The following FER variants were observed in gnomAD, a reference collection of about 807,000 sequenced individuals.
The protein encoded by FER is FER tyrosine kinase.
FER carries 63 observed loss-of-function variants against 111.0 expected under a neutral mutation model. That is an observed-to-expected ratio of 0.57 (90% CI 0.46 to 0.70). FER has a LOEUF of 0.70. Ranked by LOEUF, FER falls within the 30% of genes least tolerant of loss-of-function variation. The pLI, the probability that FER is intolerant of heterozygous loss-of-function variation, is 0.00. For synonymous variants in FER, 327 were observed against 313.9 expected (o/e 1.04, Z -0.44); for missense variants, 914 against 954.0 (o/e 0.96, Z 0.55).
chr5:109,174,432 G>GT (rs1251364534), intron 17 of FER, among the ~76,000 whole-genome samples: 2 of 151,904 alleles, frequency 1.3e-5, no homozygotes. Flanking sequence ...TTTTGTTTTT[G>GT]TTTTTTAAAA....
intron 13 of FER, among the ~76,000 whole-genome samples, chr5:109,036,720 C>T (rs72790568): frequency 0.11 from 16,808 of 151,264 alleles, 1,037 homozygotes; most frequent in Non-Finnish European, 0.14. Flanking sequence ...CATTAAAAAC[C>T]ATATTTTTTC....
intron 17 of FER, among the ~76,000 whole-genome samples, chr5:109,171,310 T>C (rs1757071567): frequency 6.6e-6 from 1 of 152,160 alleles, no homozygotes; most frequent in Admixed American, 6.5e-5. Flanking sequence ...ACACATAAGC[T>C]TATACAGCTT....
At chr5:109,065,774 T>G (rs1314993044) in intron 16 of FER, among the ~76,000 whole-genome samples, 1 of 152,216 alleles carries the variant, frequency 6.6e-6, no homozygotes, top group Non-Finnish European at 1.5e-5. Context: ...AACTTTTTAA[T>G]TCTTTATTTG....
chr5:109,105,910 T>C (rs1748858832), intron 17 of FER, among the ~76,000 whole-genome samples: 3 of 152,344 alleles, frequency 2.0e-5, no homozygotes, highest in South Asian at 4.1e-4. Flanking sequence ...GCCTAGCAAT[T>C]GAAGCTAAAT....
intron 2 of FER, among the ~76,000 whole-genome samples, chr5:108,788,191 A>C (rs1754959170): frequency 6.6e-6 from 1 of 152,122 alleles, no homozygotes; most frequent in Admixed American, 6.5e-5. Context: ...GATGCTACTG[A>C]AGCTACGTGT....
intron 17 of FER, among the ~76,000 whole-genome samples, chr5:109,152,357 G>A (rs1754942643): frequency 6.6e-6 from 1 of 151,848 alleles, no homozygotes; most frequent in South Asian, 2.1e-4. Context: ...GGGGTACTTG[G>A]GAAATAAATG....
chr5:109,034,834 T>C (rs1219202065), intron 13 of FER, among the ~76,000 whole-genome samples: 2 of 152,126 alleles, frequency 1.3e-5, no homozygotes, highest in Non-Finnish European at 2.9e-5. Flanking sequence ...GACTGCCAGA[T>C]GGCACTCTTA....
intron 17 of FER, among the ~76,000 whole-genome samples, chr5:109,176,037 G>C (rs183801770): frequency 2.2e-4 from 33 of 152,232 alleles, no homozygotes; most frequent in African/African-American, 7.0e-4. Context: ...CAGAGAAAAG[G>C]AAGCTCTTAT....
intron 13 of FER, among the ~76,000 whole-genome samples, chr5:109,015,119 G>C (rs1395135120): frequency 6.6e-6 from 1 of 151,962 alleles, no homozygotes; most frequent in Admixed American, 6.6e-5. Context: ...CATACATCTT[G>C]ATTTTTTTGT....
chr5:108,847,972 C>T (rs528034479), intron 5 of FER, among the ~76,000 whole-genome samples: 3 of 152,198 alleles, frequency 2.0e-5, no homozygotes, highest in South Asian at 4.2e-4. Context: ...GCTGCAGCCT[C>T]GAACTCCTGG....
chr5:108,777,414 A>T (rs987391439), intron 2 of FER, among the ~76,000 whole-genome samples: 1 of 152,166 alleles, frequency 6.6e-6, no homozygotes, highest in Admixed American at 6.6e-5. Flanking sequence ...CAATTGATGA[A>T]CCTACACTGA....
At chr5:109,157,197 CA>C (rs1755492204) in intron 17 of FER, among the ~76,000 whole-genome samples, 1 of 152,072 alleles carries the variant, frequency 6.6e-6, no homozygotes, top group African/African-American at 2.4e-5. Context: ...CTCAATCAAT[CA>C]AAAATATATA....
rs1424431825 is a variant in FER at position 109,188,945 on chromosome 5, A to G, written c.*1370A>G. On this transcript the variant is annotated 3_prime_UTR_variant, in exon 20 of 20. Transcript: ENST00000281092. Reference sequence around the variant, plus strand: ...CACACACACCACCAAGGTGCAAGACAGATGTGAATGAAGTAGACAGTCTAG... The same window carrying G: ...CACACACACCACCAAGGTGCAAGACGGATGTGAATGAAGTAGACAGTCTAG... 1 of 152,258 alleles carries G rather than the reference A, an allele frequency of 6.6e-6. No homozygotes were observed. The highest frequency in any genetic ancestry group is 2.4e-5 in the African/African-American group (1 of 41,464). 9.4% of individuals were successfully genotyped at this position (152,258 alleles called of 1,614,324 possible). A position where few individuals can be genotyped will look rare whatever the true frequency, so the allele number is the denominator to read the frequency against.
intron 10 of FER, among the ~76,000 whole-genome samples, chr5:108,901,091 C>T: frequency 6.6e-6 from 1 of 151,602 alleles, no homozygotes; most frequent in East Asian, 1.9e-4. Context: ...CCCACCCCCG[C>T]CATGTGAAAC....
At chr5:109,104,644 C>T (rs1352726877) in intron 17 of FER, among the ~76,000 whole-genome samples, 9 of 151,740 alleles carry the variant, frequency 5.9e-5, no homozygotes, top group East Asian at 1.9e-4. Context: ...TTTTGTTGAA[C>T]GAATATGAAT....
intron 13 of FER, among the ~76,000 whole-genome samples, chr5:109,008,260 G>T (rs1411752918): frequency 6.6e-6 from 1 of 152,108 alleles, no homozygotes. Flanking sequence ...TATTCTTCCT[G>T]ACTACAACTA....
At chr5:109,186,423 G>A in intron 19 of FER, 101 bp downstream of exon 19, 1 of 1,559,380 alleles carries the variant, frequency 6.4e-7, no homozygotes, top group Non-Finnish European at 8.8e-7. Flanking sequence ...AATACTGTTT[G>A]GTTGTGTTAT....
At chr5:109,070,169 C>A (rs1212855051) in intron 16 of FER, among the ~76,000 whole-genome samples, 1 of 151,344 alleles carries the variant, frequency 6.6e-6, no homozygotes, top group African/African-American at 2.4e-5. Flanking sequence ...TATGTCCCTG[C>A]AAGTCCAGAA....
At chr5:109,100,348 G>T in intron 16 of FER, 48 bp from the exon 17 acceptor site, 2 of 1,596,574 alleles carry the variant, frequency 1.3e-6, no homozygotes, top group South Asian at 2.2e-5. Context: ...TGATAAATGT[G>T]ACTTTCATCA....
Sources: allele counts gnomAD v4.1 joint callset (sites outside exome capture counted in the v4.1 genomes callset), GRCh38; gene constraint gnomAD v4.1.1; transcripts MANE v1.5; gene names NCBI Gene and HGNC (gene_info 2026-07-23, HGNC 2026-07-21).